THADA: variants seen among roughly 807,000 people sequenced by gnomAD.
THADA encodes the protein tRNA (32-2'-O)-methyltransferase regulator THADA.
In THADA, 213 loss-of-function variants were observed where a neutral mutation model predicts 219.8. That is an observed-to-expected ratio of 0.97 (90% confidence interval 0.87 to 1.09). The LOEUF is 1.09. Ranked by LOEUF, THADA falls within the 50% of genes least tolerant of loss-of-function variation. THADA has a pLI of 0.00. For missense variants in THADA, 2,956 were observed against 2,311.3 expected, an observed-to-expected ratio of 1.28 and a Z score of -5.72; for synonymous variants, 1,018 against 828.9, an observed-to-expected ratio of 1.23 and a Z score of -3.92.
In THADA at chr2:43,346,897, T is replaced by C. The variant is rs1022082038; in HGVS notation, c.4228-2660A>G. On this transcript the variant is annotated intron_variant, in intron 29 of 37. Transcript: ENST00000405975. ...CCCCTCCAACAAGTCTGATGCACTG[T>C]AGGAATTCAACAAGCATTTGCCAAA... 3.3e-5 allele frequency among the ~76,000 whole-genome samples: 5 copies of C among 152,232 alleles called. No individual in the cohort carries two copies. The East Asian group carries it at 9.6e-4, about 29-fold the overall frequency.
At chr2:43,322,428 T>A (rs1234891397) in intron 30 of THADA, among the ~76,000 whole-genome samples, 2 of 151,634 alleles carry the variant, frequency 1.3e-5, no homozygotes, top group African/African-American at 4.8e-5. Flanking sequence ...CACTTGAACC[T>A]GGAAGGCAGA....
intron 36 of THADA, among the ~76,000 whole-genome samples, chr2:43,263,177 C>T (rs916500789): frequency 6.6e-6 from 1 of 152,206 alleles, no homozygotes; most frequent in Non-Finnish European, 1.5e-5. Context: ...AATCCCTCCC[C>T]AGTAGCCCAT....
At chr2:43,406,997 A>C (rs1291548009) in intron 28 of THADA, among the ~76,000 whole-genome samples, 2 of 152,238 alleles carry the variant, frequency 1.3e-5, no homozygotes, top group East Asian at 3.8e-4. Context: ...ACGTTCAGGC[A>C]GCCACTGACT....
chr2:43,446,799 C>T lies in THADA; in HGVS notation c.3837-16497G>A, dbSNP rs531334671. Reference sequence around the variant, plus strand: ...AGAGATGCTGATAACAAGGAGCACACGATTTACCTTTACTATATTGATTCT... The same window carrying T: ...AGAGATGCTGATAACAAGGAGCACATGATTTACCTTTACTATATTGATTCT... On this transcript the variant is annotated intron_variant, in intron 26 of 37. Coordinates refer to ENST00000405975, the MANE Select transcript of THADA (RefSeq NM_022065.5). Among the ~76,000 whole-genome samples the T allele has an allele frequency of 2.0e-3, 299 of 152,268 alleles. 3 individuals are homozygous for T. The highest frequency in any genetic ancestry group is 3.2e-3 in the Non-Finnish European group (219 of 68,008).
intron 28 of THADA, among the ~76,000 whole-genome samples, chr2:43,403,745 T>C (rs1675166444): frequency 6.6e-6 from 1 of 152,174 alleles, no homozygotes; most frequent in African/African-American, 2.4e-5. Context: ...TTGCTCTAGA[T>C]GCCCCTACTT....
intron 26 of THADA, among the ~76,000 whole-genome samples, chr2:43,462,387 G>GA (rs1215003082): frequency 6.6e-6 from 1 of 152,130 alleles, no homozygotes; most frequent in African/African-American, 2.4e-5. Flanking sequence ...TCTAGTGCCT[G>GA]AAAATCTCTA....
intron 26 of THADA, among the ~76,000 whole-genome samples, chr2:43,448,036 A>C (rs1043483792): frequency 1.3e-5 from 2 of 152,228 alleles, no homozygotes; most frequent in African/African-American, 4.8e-5. Context: ...TTGTTTTTCC[A>C]AATCTTTAAA....
intron 29 of THADA, among the ~76,000 whole-genome samples, chr2:43,396,801 A>T (rs1034564977): frequency 2.0e-5 from 3 of 151,864 alleles, no homozygotes; most frequent in Non-Finnish European, 2.9e-5. Flanking sequence ...ACAGTGTAAG[A>T]CCCTGTCTCA....
At chr2:43,243,265 C>T (rs1668799014) in intron 36 of THADA, among the ~76,000 whole-genome samples, 1 of 152,162 alleles carries the variant, frequency 6.6e-6, no homozygotes, top group Non-Finnish European at 1.5e-5. Flanking sequence ...AGCCAGAGGG[C>T]ACACTGCTCC....
chr2:43,567,396 G>A (rs566305304), intron 14 of THADA, among the ~76,000 whole-genome samples: 13 of 152,254 alleles, frequency 8.5e-5, no homozygotes, highest in Admixed American at 2.0e-4. Context: ...TTGGGAGGCC[G>A]AGGTGGGCAG....
At chr2:43,268,058 G>T (rs1012938602) in intron 36 of THADA, among the ~76,000 whole-genome samples, 1 of 152,310 alleles carries the variant, frequency 6.6e-6, no homozygotes, top group African/African-American at 2.4e-5. Flanking sequence ...AAGACAAGTT[G>T]CCGTCAAGGC....
At chr2:43,323,377 C>T in intron 30 of THADA, among the ~76,000 whole-genome samples, 1 of 152,076 alleles carries the variant, frequency 6.6e-6, no homozygotes. Context: ...ACTTTTTAAC[C>T]CTGCCCCTAT....
At chr2:43,566,203 A>G in intron 15 of THADA, 1 of 417,604 alleles carries the variant, frequency 2.4e-6, no homozygotes, top group Admixed American at 4.3e-5. Flanking sequence ...AAGGAAAAAC[A>G]AAGGGTATTA....
chr2:43,580,103 C>A (rs777715944), intron 8 of THADA, among the ~76,000 whole-genome samples: 1 of 149,788 alleles, frequency 6.7e-6, no homozygotes, highest in Admixed American at 6.7e-5. Flanking sequence ...TGGCTCACTG[C>A]AACCTCTGTC....
At chr2:43,470,723 C>T (rs1684812434) in intron 26 of THADA, among the ~76,000 whole-genome samples, 1 of 152,166 alleles carries the variant, frequency 6.6e-6, no homozygotes, top group South Asian at 2.1e-4. Context: ...GCATATACTA[C>T]TTTCAACATA....
At chr2:43,294,447 A>G (rs1675118131) in intron 31 of THADA, among the ~76,000 whole-genome samples, 1 of 152,226 alleles carries the variant, frequency 6.6e-6, no homozygotes, top group South Asian at 2.1e-4. Flanking sequence ...AAAGGCATGA[A>G]ACAGAACGGA....
At chr2:43,289,970 G>GTTTTTTTTTT (rs1674496382) in intron 34 of THADA, among the ~76,000 whole-genome samples, 2 of 95,680 alleles carry the variant, frequency 2.1e-5, no homozygotes, top group South Asian at 3.8e-4. Context: ...TTTTTTTTTT[G>GTTTTTTTTTT]TTTTTGTTTT....
intron 30 of THADA, among the ~76,000 whole-genome samples, chr2:43,322,156 C>A (rs904167481): frequency 1.3e-5 from 2 of 151,930 alleles, no homozygotes; most frequent in Non-Finnish European, 2.9e-5. Context: ...GCCTCAGCCT[C>A]CCAAGTAGCT....
chr2:43,510,342 T>C (rs1690250384), intron 22 of THADA, among the ~76,000 whole-genome samples: 1 of 152,210 alleles, frequency 6.6e-6, no homozygotes. Flanking sequence ...TTATTCTCTC[T>C]ACTTTTAAAT....
Sources: gnomAD v4.1 joint callset for allele counts (sites outside exome capture counted in the v4.1 genomes callset) on GRCh38, gnomAD v4.1.1 for gene constraint, MANE v1.5 for transcripts, NCBI Gene and HGNC (gene_info 2026-07-23, HGNC 2026-07-21) for gene names.